Variants in GRID2 observed in about 807,000 individuals in gnomAD.
GRID2 encodes glutamate receptor ionotropic, delta-2.
In GRID2, 33 loss-of-function variants were observed where a neutral mutation model predicts 114.8. The observed-to-expected ratio is 0.29, with a 90% CI of 0.22 to 0.38. The LOEUF is 0.38. Among genes scored for constraint, GRID2 ranks in the 10% least tolerant of loss-of-function variants. The pLI is 1.00. For synonymous variants in GRID2, 505 were observed against 449.9 expected, an observed-to-expected ratio of 1.12 and a Z score of -1.55; for missense variants, 1,184 against 1,257.7, an observed-to-expected ratio of 0.94 and a Z score of 0.89.
chr4:93,311,702 G>A (rs1319554676), intron 8 of GRID2, among the ~76,000 whole-genome samples: 1 of 152,138 alleles, frequency 6.6e-6, no homozygotes, highest in Non-Finnish European at 1.5e-5. Context: ...ATTGTAAAGT[G>A]GTTAGAAATG....
At chr4:92,400,461 A>C (rs1730732676) in intron 1 of GRID2, among the ~76,000 whole-genome samples, 2 of 152,164 alleles carry the variant, frequency 1.3e-5, no homozygotes. Context: ...TTGTCAAATA[A>C]TATCCCATTA....
At chr4:93,579,955 ATGC>A (rs1330363436) in intron 13 of GRID2, among the ~76,000 whole-genome samples, 11 of 152,210 alleles carry the variant, frequency 7.2e-5, no homozygotes, top group Middle Eastern at 3.2e-3. Flanking sequence ...ATCATCTCCA[ATGC>A]TCTGATCTAT....
chr4:93,398,561 T>C (rs1483109859), intron 9 of GRID2, among the ~76,000 whole-genome samples: 1 of 151,914 alleles, frequency 6.6e-6, no homozygotes, highest in Non-Finnish European at 1.5e-5. Flanking sequence ...GGTACAATCA[T>C]GTTAAATTCA....
At position 92,760,386 on chromosome 4, in the gene GRID2, G is replaced by A. The variant is rs577898040; in HGVS notation, c.244+170100G>A. On this transcript the variant is annotated intron_variant, in intron 2 of 15. Coordinates refer to ENST00000282020, the MANE Select transcript of GRID2 (RefSeq NM_001510.4). Reference sequence around the variant, plus strand: ...GGAAGATTGTAAGCAGAAGGCTCTCGATCCTTTTGGGGAAATGCTTTGGTT... The same window carrying A: ...GGAAGATTGTAAGCAGAAGGCTCTCAATCCTTTTGGGGAAATGCTTTGGTT... Among the ~76,000 whole-genome samples, 12 of 151,918 alleles carry A rather than the reference G, an allele frequency of 7.9e-5. No homozygotes were observed. The East Asian group carries it at 1.5e-3, about 20-fold the overall frequency.
At chr4:93,613,006 C>A (rs1226482491) in intron 13 of GRID2, among the ~76,000 whole-genome samples, 24 of 138,552 alleles carry the variant, frequency 1.7e-4, no homozygotes, top group Non-Finnish European at 1.3e-4. Flanking sequence ...AGGCTTTGCT[C>A]ATTTCTTTTT....
chr4:92,321,468 C>G (rs906971364), intron 1 of GRID2, among the ~76,000 whole-genome samples: 3 of 152,124 alleles, frequency 2.0e-5, no homozygotes, highest in African/African-American at 4.8e-5. Context: ...TAGAGTCTAG[C>G]TTTTCAGCAT....
At chr4:93,026,679 T>A (rs2149252486) in intron 2 of GRID2, among the ~76,000 whole-genome samples, 1 of 151,988 alleles carries the variant, frequency 6.6e-6, no homozygotes, top group African/African-American at 2.4e-5. Flanking sequence ...TTATAATTCC[T>A]TGAAAATTTT....
chr4:92,641,404 G>C (rs1457847818), intron 2 of GRID2, among the ~76,000 whole-genome samples: 1 of 151,228 alleles, frequency 6.6e-6, no homozygotes, highest in Non-Finnish European at 1.5e-5. Flanking sequence ...CTGTGTCTCT[G>C]GGACTACAGG....
intron 2 of GRID2, among the ~76,000 whole-genome samples, chr4:92,765,421 A>T (rs2149348095): frequency 6.6e-6 from 1 of 152,292 alleles, no homozygotes; most frequent in Non-Finnish European, 1.5e-5. Context: ...AGGATAATGG[A>T]AATGCATTTG....
At position 93,683,296 on chromosome 4, in the gene GRID2, A is replaced by G. The variant is rs148422485; in HGVS notation, c.2360+56861A>G. On this transcript the variant is annotated intron_variant, in intron 14 of 15. Coordinates refer to ENST00000282020, the MANE Select transcript of GRID2 (RefSeq NM_001510.4). ...TGGAAGAATAATGCACTGAATTTTAATCATGATAATTCAGGCTTAGTATCT... is the reference window on the plus strand; with the variant it reads ...TGGAAGAATAATGCACTGAATTTTAGTCATGATAATTCAGGCTTAGTATCT... Among the ~76,000 whole-genome samples, 667 of 152,190 alleles carry G rather than the reference A, an allele frequency of 4.4e-3. 4 individuals are homozygous for G. Among genetic ancestry groups the G allele is most frequent in the African/African-American group, 0.015 (632 of 41,538 alleles).
chr4:93,116,933 A>C (rs1474853654), intron 4 of GRID2, among the ~76,000 whole-genome samples: 1 of 152,100 alleles, frequency 6.6e-6, no homozygotes, highest in Non-Finnish European at 1.5e-5. Flanking sequence ...TATTTCCCCT[A>C]GGAGCAGTGA....
intron 14 of GRID2, among the ~76,000 whole-genome samples, chr4:93,648,841 CT>C (rs546115400): frequency 1.4e-5 from 2 of 147,922 alleles, no homozygotes; most frequent in Non-Finnish European, 3.1e-5. Flanking sequence ...TCTTTATTCT[CT>C]TTTTTTTACC....
At chr4:93,031,032 ATTTTTTT>A (rs576187018) in intron 2 of GRID2, among the ~76,000 whole-genome samples, 2 of 106,202 alleles carry the variant, frequency 1.9e-5, no homozygotes, top group Middle Eastern at 6.5e-3. Flanking sequence ...TCCAATCTCC[ATTTTTTT>A]TTTTTTTTTT....
chr4:93,553,094 C>T (rs12651222), intron 13 of GRID2, among the ~76,000 whole-genome samples: 23,080 of 152,052 alleles, frequency 0.15, 2,187 homozygotes, highest in East Asian at 0.41. Context: ...AATAAACATG[C>T]GTGTGCATGT....
chr4:93,684,740 A>G (rs1175260175), intron 14 of GRID2, among the ~76,000 whole-genome samples: 1 of 152,018 alleles, frequency 6.6e-6, no homozygotes, highest in Admixed American at 6.6e-5. Flanking sequence ...GAGGATGAGG[A>G]ACACAGTATC....
intron 1 of GRID2, among the ~76,000 whole-genome samples, chr4:92,391,075 G>T (rs1034007933): frequency 2.6e-5 from 4 of 152,068 alleles, no homozygotes; most frequent in Non-Finnish European, 5.9e-5. Context: ...TATAATTTGC[G>T]AATTCATAAA....
intron 2 of GRID2, among the ~76,000 whole-genome samples, chr4:92,906,889 G>A (rs562395409): frequency 1.3e-5 from 2 of 152,032 alleles, no homozygotes; most frequent in Non-Finnish European, 2.9e-5. Context: ...GTTGGCCTTG[G>A]ACTAGCAGCA....
chr4:93,178,763 A>G (rs933135452), intron 4 of GRID2, among the ~76,000 whole-genome samples: 1 of 139,442 alleles, frequency 7.2e-6, no homozygotes, highest in East Asian at 2.2e-4. Flanking sequence ...CGCTGAGATC[A>G]TTTTAAGAAA....
At chr4:92,772,319 A>C (rs1362280535) in intron 2 of GRID2, among the ~76,000 whole-genome samples, 1 of 152,098 alleles carries the variant, frequency 6.6e-6, no homozygotes, top group Non-Finnish European at 1.5e-5. Flanking sequence ...TCTTTTATTC[A>C]TATGTAATGT....
Sources: allele counts gnomAD v4.1 joint callset (sites outside exome capture counted in the v4.1 genomes callset), GRCh38; gene constraint gnomAD v4.1.1; transcripts MANE v1.5; gene names NCBI Gene and HGNC (gene_info 2026-07-23, HGNC 2026-07-21).